The following MLIP variants were observed in gnomAD, a reference collection of about 807,000 sequenced individuals.
The protein encoded by MLIP is muscular LMNA-interacting protein.
Under a neutral mutation model 84.8 loss-of-function variants are expected in MLIP, and 79 were observed. The observed-to-expected ratio is 0.93, with a 90% CI of 0.78 to 1.12. The LOEUF is 1.12. MLIP is among the 50% of genes most tolerant of loss of function. The pLI is 0.00. For missense variants in MLIP, 1,257 were observed against 1,160.6 expected (o/e 1.08, Z -1.21); for synonymous variants, 504 against 463.0 (o/e 1.09, Z -1.14).
chr6:54,208,033 CG>C (rs1562058584), intron 11 of MLIP, among the ~76,000 whole-genome samples: 1 of 151,792 alleles, frequency 6.6e-6, no homozygotes, highest in Non-Finnish European at 1.5e-5. Context: ...GAGGCTGAGG[CG>C]GGAGAATGGC....
chr6:54,084,642 C>A (rs1767369776), intron 1 of MLIP, among the ~76,000 whole-genome samples: 1 of 152,170 alleles, frequency 6.6e-6, no homozygotes, highest in South Asian at 2.1e-4. Context: ...GTACTCTTTG[C>A]AAATTCAGGA....
chr6:54,247,288 G>A (rs17635304), intron 12 of MLIP, among the ~76,000 whole-genome samples: 40,881 of 151,986 alleles, frequency 0.27, 6,719 homozygotes, highest in Non-Finnish European at 0.35. Context: ...GGGCTTCTTA[G>A]CGATCAGTAA....
At chr6:54,245,794 T>C (rs1782039782) in intron 12 of MLIP, among the ~76,000 whole-genome samples, 2 of 152,190 alleles carry the variant, frequency 1.3e-5, no homozygotes, top group African/African-American at 4.8e-5. Context: ...ATTGCCGTAA[T>C]GTATTTTGTG....
At chr6:54,222,632 A>C (rs750152521) in intron 11 of MLIP, among the ~76,000 whole-genome samples, 1 of 152,050 alleles carries the variant, frequency 6.6e-6, no homozygotes, top group Non-Finnish European at 1.5e-5. Flanking sequence ...ACCTGTCAAT[A>C]CACATCTAGT....
intron 1 of MLIP, among the ~76,000 whole-genome samples, chr6:54,081,970 T>C (rs964559799): frequency 6.6e-6 from 1 of 152,148 alleles, no homozygotes; most frequent in Non-Finnish European, 1.5e-5. Flanking sequence ...TAGCTCTCCC[T>C]GTCTCATTCT....
intron 1 of MLIP, chr6:54,043,288 C>A (rs35395359): frequency 6.6e-6 from 1 of 151,614 alleles, no homozygotes; most frequent in African/African-American, 2.4e-5. Flanking sequence ...GTGCTTTATT[C>A]CATGATATGT....
At chr6:54,151,419 A>G (rs1030548646) in intron 5 of MLIP, among the ~76,000 whole-genome samples, 1 of 152,156 alleles carries the variant, frequency 6.6e-6, no homozygotes, top group Non-Finnish European at 1.5e-5. Flanking sequence ...AATAGACTTT[A>G]TCTTAATGCC....
chr6:54,202,061 T>C, intron 10 of MLIP, 44 bp from the exon 11 acceptor site: 2 of 1,378,994 alleles, frequency 1.5e-6, no homozygotes, highest in South Asian at 3.5e-5. Flanking sequence ...ATTTTAATAG[T>C]GTTTTTTTCC....
chr6:54,171,846 A>G (rs375828774), intron 9 of MLIP, among the ~76,000 whole-genome samples: 4 of 151,668 alleles, frequency 2.6e-5, no homozygotes, highest in Non-Finnish European at 1.5e-5. Context: ...CTCTTCTCCC[A>G]TGAAAACTAA....
Position 54,138,027 on chromosome 6 carries a change from C to A in MLIP, c.1958C>A (p.Ser653Tyr). The A allele has an allele frequency of 6.5e-7, 1 of 1,536,168 alleles. No homozygotes were observed. Among genetic ancestry groups the A allele is most frequent in the South Asian group, 1.2e-5 (1 of 84,064 alleles). The change falls in exon 4 of 14, where the codon TCT (serine) becomes TAT (tyrosine). Residue 653 changes from serine (S) to tyrosine (Y), a missense_variant. Coordinates refer to ENST00000502396, the MANE Select transcript of MLIP (RefSeq NM_001281747.2). ...CCTGTCTCCAGTGCTGACTTTGCCT[C>A]TCTTCCCAACTTGAGGTCCTCCTCT... ...SLPVSSADFA[S>Y]LPNLRSSSLP...
chr6:54,160,179 A>G (rs1257865193), intron 5 of MLIP, among the ~76,000 whole-genome samples, 188 bp from the exon 6 acceptor site: 4 of 152,072 alleles, frequency 2.6e-5, no homozygotes, highest in Non-Finnish European at 5.9e-5. Flanking sequence ...AATTTACTCA[A>G]GATGGATTAA....
At chr6:54,178,543 T>C (rs1776532791) in intron 9 of MLIP, among the ~76,000 whole-genome samples, 1 of 152,190 alleles carries the variant, frequency 6.6e-6, no homozygotes, top group East Asian at 1.9e-4. Flanking sequence ...CTTACAGCTA[T>C]AAATTTTACT....
chr6:54,109,909 T>TTC (rs1400098918), upstream of MLIP, among the ~76,000 whole-genome samples: 2 of 112,654 alleles, frequency 1.8e-5, no homozygotes, highest in African/African-American at 3.2e-5. Flanking sequence ...CTTTCTTTCT[T>TTC]TTTCTTTCTT....
intron 1 of MLIP, among the ~76,000 whole-genome samples, chr6:54,023,891 C>T (rs1221997865): frequency 1.3e-5 from 2 of 151,956 alleles, no homozygotes; most frequent in African/African-American, 4.8e-5. Flanking sequence ...TTTTTAAATA[C>T]AGCAAAAGAG....
At chr6:54,121,370 TATC>T (rs778697864) in intron 1 of MLIP, 74 bp from the exon 2 acceptor site, 11 of 1,447,880 alleles carry the variant, frequency 7.6e-6, no homozygotes, top group Non-Finnish European at 1.1e-5. Context: ...ATGAGATAAA[TATC>T]ATGTCATATG....
At chr6:54,248,788 T>C (rs1282211691) in intron 12 of MLIP, among the ~76,000 whole-genome samples, 2 of 152,134 alleles carry the variant, frequency 1.3e-5, no homozygotes, top group Non-Finnish European at 2.9e-5. Flanking sequence ...TTCTTATTAG[T>C]ATTCTTAGAA....
In MLIP at chr6:54,026,002, A is replaced by G. The variant is rs1763780125; in HGVS notation, c.63+6911A>G. 2.0e-5 allele frequency among the ~76,000 whole-genome samples: 3 copies of G among 152,212 alleles called. No individual in the cohort carries two copies. The South Asian group carries it at 6.2e-4, about 32-fold the overall frequency. On this transcript the variant is annotated intron_variant, in intron 1 of 12. Coordinates refer to the MLIP transcript ENST00000274897. ...ACCCTGTGGAAATAATTATTTTCATAAAACAGATGGGTGGTAGAGACCAAA... is the reference window on the plus strand; with the variant it reads ...ACCCTGTGGAAATAATTATTTTCATGAAACAGATGGGTGGTAGAGACCAAA...
At chr6:54,048,558 C>G (rs1196658983) in intron 1 of MLIP, among the ~76,000 whole-genome samples, 2 of 152,068 alleles carry the variant, frequency 1.3e-5, no homozygotes, top group Non-Finnish European at 1.5e-5. Flanking sequence ...CTACTCTATT[C>G]GAAAGATGTT....
intron 1 of MLIP, among the ~76,000 whole-genome samples, chr6:54,033,471 T>C (rs1313856175): frequency 2.0e-5 from 3 of 152,094 alleles, no homozygotes; most frequent in African/African-American, 7.2e-5. Context: ...TTCACAATGT[T>C]GGACAGGCTG....
Sources: gnomAD v4.1 joint callset for allele counts (sites outside exome capture counted in the v4.1 genomes callset) on GRCh38, gnomAD v4.1.1 for gene constraint, MANE v1.5 for transcripts, NCBI Gene and HGNC (gene_info 2026-07-23, HGNC 2026-07-21) for gene names.